Variants in CBL observed in about 807,000 individuals in gnomAD.
CBL encodes E3 ubiquitin-protein ligase CBL.
Under a neutral mutation model 96.9 loss-of-function variants are expected in CBL, and 45 were observed. That is an observed-to-expected ratio of 0.46 (90% CI 0.37 to 0.60). The LOEUF is 0.60. Among genes scored for constraint, CBL ranks in the 20% least tolerant of loss-of-function variants. The pLI is 0.00. For synonymous variants in CBL, 420 were observed against 426.8 expected (o/e 0.98, Z 0.20); for missense variants, 1,024 against 1,143.5 (o/e 0.90, Z 1.51).
chr11:119,224,586 A>G (rs914364386), intron 1 of CBL, among the ~76,000 whole-genome samples: 16 of 152,030 alleles, frequency 1.1e-4, no homozygotes, highest in Admixed American at 3.3e-4. Context: ...AGAAAACATT[A>G]TTTTTTGTAT....
rs202095002 is a variant in CBL, at chr11:119,277,782, C to G, written c.1033C>G (p.Gln345Glu). Residue 345 changes from glutamine to glutamate, a missense_variant, in exon 7 of 16, where the codon CAG becomes GAG. By Grantham distance (29) the Gln-to-Glu change is conservative. Transcript: ENST00000264033. ...CTATTTGTTTCCTGATGGACGAAAT[C>G]AGAATCCTGATCTGACTGGCTTATG... The part of the protein sequence containing the change: ...GFYLFPDGRN[Q>E]NPDLTGLCEP... 6.2e-6 allele frequency: 10 copies of G among 1,613,926 alleles called. No homozygotes were observed. Among genetic ancestry groups the G allele is most frequent in the East Asian group, 2.2e-5 (1 of 44,856 alleles).
chr11:119,257,383 T>G (rs1370176396), intron 2 of CBL, among the ~76,000 whole-genome samples: 1 of 152,230 alleles, frequency 6.6e-6, no homozygotes, highest in East Asian at 1.9e-4. Flanking sequence ...TTTTTTCATT[T>G]GTTTGTGGCC....
chr11:119,254,044 A>G (rs1017729543), intron 2 of CBL, among the ~76,000 whole-genome samples: 2 of 149,950 alleles, frequency 1.3e-5, no homozygotes, highest in Non-Finnish European at 3.0e-5. Flanking sequence ...AATTATAGAA[A>G]GGGGAAAGTG....
At chr11:119,207,943 G>A (rs1194056733) in intron 1 of CBL, among the ~76,000 whole-genome samples, 1 of 152,158 alleles carries the variant, frequency 6.6e-6, no homozygotes, top group Non-Finnish European at 1.5e-5. Flanking sequence ...TGCTTAATAA[G>A]TCCTGTGTGT....
intron 1 of CBL, among the ~76,000 whole-genome samples, chr11:119,215,298 C>T (rs931980999): frequency 2.6e-5 from 4 of 152,034 alleles, no homozygotes; most frequent in South Asian, 4.1e-4. Context: ...CTGGAGTCTT[C>T]GTCTTCAGCA....
chr11:119,295,539 T>G (rs1950057486), intron 12 of CBL, among the ~76,000 whole-genome samples: 1 of 151,822 alleles, frequency 6.6e-6, no homozygotes, highest in Non-Finnish European at 1.5e-5. Flanking sequence ...CTGGGCAACA[T>G]AGTGAGACTC....
intron 2 of CBL, 131 bp downstream of exon 2, chr11:119,232,826 A>T: frequency 1.1e-6 from 1 of 903,942 alleles, no homozygotes; most frequent in South Asian, 1.4e-5. Flanking sequence ...ATTTAAAGGT[A>T]TAGTTTATAT....
At position 119,301,448 on chromosome 11, in the gene CBL, T is replaced by C. The variant is rs1406172960; in HGVS notation, c.*1667T>C. 2 of 232,734 alleles carry C rather than the reference T, an allele frequency of 8.6e-6. No individual in the cohort carries two copies. The highest frequency in any genetic ancestry group is 1.2e-4 in the East Asian group (2 of 16,540). The allele number at this position is 232,734 out of a possible 1,614,324, so 14.4% of individuals were successfully genotyped here. The stretch of plus-strand genomic sequence containing the variant: ...CCATGTCAGAAGCAAGCCTGCTCTT[T>C]GATAAATCTGTCTTCCTGAAAATCT... On this transcript the variant is annotated 3_prime_UTR_variant, in exon 16 of 16. Transcript: ENST00000264033.
intron 12 of CBL, among the ~76,000 whole-genome samples, chr11:119,288,476 C>CAG (rs61294763): frequency 0.25 from 37,333 of 150,690 alleles, 4,620 homozygotes; most frequent in East Asian, 0.34. Flanking sequence ...TTTGCACAGA[C>CAG]AGAGAGAGAG....
intron 1 of CBL, among the ~76,000 whole-genome samples, chr11:119,228,210 C>T (rs1489980181): frequency 1.3e-5 from 2 of 152,148 alleles, no homozygotes; most frequent in Admixed American, 6.5e-5. Context: ...CCGCCTCAAG[C>T]GGCCCTCCCA....
At position 119,300,600 on chromosome 11, in the gene CBL, T is replaced by G. The variant is rs1565273305; in HGVS notation, c.*819T>G. On this transcript the variant is annotated 3_prime_UTR_variant, in exon 16 of 16. Coordinates refer to ENST00000264033, the MANE Select transcript of CBL (RefSeq NM_005188.4). Reference sequence around the variant, plus strand: ...GATACTAGCAGCTAACACTGGTCACTCCAAAGCACTGTTTCTATAGGAACA... The same window carrying G: ...GATACTAGCAGCTAACACTGGTCACGCCAAAGCACTGTTTCTATAGGAACA... 6 of 399,014 alleles carry G rather than the reference T, an allele frequency of 1.5e-5. No individual in the cohort carries two copies. The East Asian group carries it at 2.1e-4, about 14-fold the overall frequency. The allele number at this position is 399,014 out of a possible 1,614,324, so 24.7% of individuals were successfully genotyped here.
chr11:119,290,639 T>C (rs933675949), intron 12 of CBL, among the ~76,000 whole-genome samples: 1 of 149,020 alleles, frequency 6.7e-6, no homozygotes, highest in Non-Finnish European at 1.5e-5. Flanking sequence ...AAAGAGATAC[T>C]TTCACTGAAT....
chr11:119,241,618 T>C (rs2135272612), intron 2 of CBL, among the ~76,000 whole-genome samples: 1 of 152,324 alleles, frequency 6.6e-6, no homozygotes, highest in East Asian at 1.9e-4. Flanking sequence ...GCAGCTATAA[T>C]CTTTTCCTAG....
chr11:119,258,637 A>G (rs370227349), intron 2 of CBL, among the ~76,000 whole-genome samples: 4 of 152,168 alleles, frequency 2.6e-5, no homozygotes, highest in Non-Finnish European at 4.4e-5. Context: ...TGATCTATGT[A>G]TCTTTCTTTA....
At chr11:119,260,569 G>A (rs1475208081) in intron 2 of CBL, among the ~76,000 whole-genome samples, 1 of 152,006 alleles carries the variant, frequency 6.6e-6, no homozygotes, top group Non-Finnish European at 1.5e-5. Context: ...TACGTAAAGT[G>A]CCTGGTACTT....
At position 119,297,322 on chromosome 11, in the gene CBL, A is replaced by G. The variant is rs1950070933; in HGVS notation, c.2154-62A>G. On this transcript the variant is annotated intron_variant, in intron 13 of 15. Transcript: ENST00000264033. ...TGGCAAAACGAGAAGATGAATCTTCATAAGTTTATAGATAACAGTTCTATT... is the reference window on the plus strand; with the variant it reads ...TGGCAAAACGAGAAGATGAATCTTCGTAAGTTTATAGATAACAGTTCTATT... 6 of 1,291,068 alleles carry G rather than the reference A, an allele frequency of 4.6e-6. No individual in the cohort carries two copies. The East Asian group carries it at 1.2e-4, about 25-fold the overall frequency. The allele number at this position is 1,291,068 out of a possible 1,614,324, so 80.0% of individuals were successfully genotyped here. A position where few individuals can be genotyped will look rare whatever the true frequency, so the allele number is the denominator to read the frequency against.
intron 2 of CBL, 62 bp downstream of exon 2, chr11:119,232,757 A>T (rs971623459): frequency 8.0e-6 from 12 of 1,499,548 alleles, no homozygotes; most frequent in Non-Finnish European, 9.2e-7. Context: ...TGGGTAACAC[A>T]TAGAAGTAGT....
intron 12 of CBL, among the ~76,000 whole-genome samples, chr11:119,290,362 A>G (rs1420574040): frequency 6.6e-6 from 1 of 151,536 alleles, no homozygotes; most frequent in African/African-American, 2.4e-5. Flanking sequence ...TAATTTTTTA[A>G]AAAGATACTT....
intron 1 of CBL, among the ~76,000 whole-genome samples, chr11:119,207,202 A>G (rs1038168026): frequency 6.6e-6 from 1 of 152,168 alleles, no homozygotes. Flanking sequence ...AAGTGAGGCA[A>G]GGAAAGAACT....
Sources: gnomAD v4.1 joint callset for allele counts (sites outside exome capture counted in the v4.1 genomes callset) on GRCh38, gnomAD v4.1.1 for gene constraint, MANE v1.5 for transcripts, NCBI Gene and HGNC (gene_info 2026-07-23, HGNC 2026-07-21) for gene names.